Variants in DLG2 observed in about 807,000 individuals in gnomAD.
DLG2 encodes the protein discs large MAGUK scaffold protein 2, also known as disks large homolog 2.
Under a neutral mutation model 132.5 loss-of-function variants are expected in DLG2, and 45 were observed. That is an observed-to-expected ratio of 0.34 (90% CI 0.27 to 0.44). The LOEUF (loss-of-function observed/expected upper bound fraction) is 0.44. DLG2 is among the 20% of genes least tolerant of loss of function. The pLI, the probability that DLG2 is intolerant of heterozygous loss-of-function variation, is 1.00. For missense variants in DLG2, 1,045 were observed against 1,196.9 expected, an observed-to-expected ratio of 0.87 and a Z score of 1.87; for synonymous variants, 424 against 419.6, an observed-to-expected ratio of 1.01 and a Z score of -0.13.
At chr11:84,268,260 C>A (rs1046241944) in intron 7 of DLG2, among the ~76,000 whole-genome samples, 11 of 152,114 alleles carry the variant, frequency 7.2e-5, no homozygotes, top group African/African-American at 2.7e-4. Context: ...ATCACTCTTC[C>A]CTTGCTGCAT....
chr11:84,978,658 A>G (rs1455025523), intron 6 of DLG2, among the ~76,000 whole-genome samples: 2 of 152,250 alleles, frequency 1.3e-5, no homozygotes, highest in African/African-American at 2.4e-5. Flanking sequence ...TTATACAAAA[A>G]TTAATTCAAG....
At chr11:85,575,868 G>A (rs1392584102) in intron 3 of DLG2, among the ~76,000 whole-genome samples, 1 of 152,086 alleles carries the variant, frequency 6.6e-6, no homozygotes, top group Non-Finnish European at 1.5e-5. Flanking sequence ...AATTTCATAA[G>A]AGCAGGAATA....
chr11:84,866,963 T>G (rs1294176510), intron 6 of DLG2, among the ~76,000 whole-genome samples: 1 of 152,256 alleles, frequency 6.6e-6, no homozygotes, highest in Non-Finnish European at 1.5e-5. Context: ...TGTATTTTTC[T>G]TGTATCCCTT....
intron 3 of DLG2, among the ~76,000 whole-genome samples, chr11:85,517,078 T>C (rs1393943532): frequency 5.9e-5 from 9 of 152,164 alleles, no homozygotes; most frequent in African/African-American, 2.2e-4. Flanking sequence ...TAGTACACCA[T>C]GATCAAGTAG....
chr11:83,994,742 G>A (rs1488960816), intron 11 of DLG2, among the ~76,000 whole-genome samples: 2 of 152,192 alleles, frequency 1.3e-5, no homozygotes, highest in South Asian at 4.1e-4. Context: ...AGTAAGCATC[G>A]TAACTAACAG....
At chr11:84,358,416 T>C (rs569243963) in intron 7 of DLG2, among the ~76,000 whole-genome samples, 1 of 151,162 alleles carries the variant, frequency 6.6e-6, no homozygotes, top group African/African-American at 2.4e-5. Context: ...CCTACTTTCA[T>C]TGGTATATGA....
intron 18 of DLG2, among the ~76,000 whole-genome samples, chr11:83,723,825 C>T (rs2089333545): frequency 6.6e-6 from 1 of 152,046 alleles, no homozygotes; most frequent in Non-Finnish European, 1.5e-5. Flanking sequence ...CACTGCACTC[C>T]AGCCTGGGTG....
chr11:85,350,062 G>C (rs139789163), intron 3 of DLG2, among the ~76,000 whole-genome samples: 4,620 of 152,132 alleles, frequency 0.03, 213 homozygotes, highest in African/African-American at 0.11. Context: ...TCAACATCCT[G>C]TCCAGCATCT....
intron 8 of DLG2, among the ~76,000 whole-genome samples, chr11:84,186,230 G>T (rs1365602769): frequency 2.0e-5 from 3 of 151,786 alleles, no homozygotes; most frequent in Non-Finnish European, 4.4e-5. Context: ...TGGAAATTTG[G>T]GTCCTTTATA....
intron 7 of DLG2, among the ~76,000 whole-genome samples, chr11:84,510,212 T>G (rs1413731752): frequency 6.6e-6 from 1 of 151,746 alleles, no homozygotes; most frequent in South Asian, 2.1e-4. Flanking sequence ...GTTATTATAT[T>G]ATCAAAATTG....
At chr11:83,683,872 T>G (rs971570663) in intron 18 of DLG2, among the ~76,000 whole-genome samples, 10 of 152,220 alleles carry the variant, frequency 6.6e-5, no homozygotes, top group African/African-American at 2.2e-4. Flanking sequence ...AGAGATGGGC[T>G]TTCTATAAGA....
intron 6 of DLG2, among the ~76,000 whole-genome samples, chr11:84,598,332 G>A (rs1467392390): frequency 6.6e-6 from 1 of 152,154 alleles, no homozygotes; most frequent in Non-Finnish European, 1.5e-5. Context: ...GGCAACCCTT[G>A]ATGCCCAAGC....
At chr11:84,755,701 G>A (rs2066781112) in intron 6 of DLG2, among the ~76,000 whole-genome samples, 1 of 152,216 alleles carries the variant, frequency 6.6e-6, no homozygotes, top group South Asian at 2.1e-4. Context: ...GGGATTACAG[G>A]CATGAGCTAC....
At chr11:85,609,478 G>A (rs2080834747) in intron 2 of DLG2, among the ~76,000 whole-genome samples, 1 of 152,208 alleles carries the variant, frequency 6.6e-6, no homozygotes, top group African/African-American at 2.4e-5. Flanking sequence ...AAAGAGGTCA[G>A]AAAATGGAGC....
intron 6 of DLG2, among the ~76,000 whole-genome samples, chr11:84,589,602 T>C (rs1441900327): frequency 6.6e-6 from 1 of 152,184 alleles, no homozygotes; most frequent in East Asian, 1.9e-4. Flanking sequence ...AATGTTATAC[T>C]TAATGCAAAC....
intron 6 of DLG2, among the ~76,000 whole-genome samples, chr11:84,723,455 C>G (rs2062060994): frequency 6.6e-6 from 1 of 152,080 alleles, no homozygotes; most frequent in Non-Finnish European, 1.5e-5. Context: ...ATGTGTTTAT[C>G]TGTTATCCGT....
chr11:84,915,346 G>A (rs183345779), intron 6 of DLG2, among the ~76,000 whole-genome samples: 24 of 152,220 alleles, frequency 1.6e-4, no homozygotes, highest in Admixed American at 7.8e-4. Context: ...AAGTTGGAAC[G>A]GAAAATATCA....
At chr11:84,660,721 C>A (rs2099693634) in intron 6 of DLG2, among the ~76,000 whole-genome samples, 1 of 152,100 alleles carries the variant, frequency 6.6e-6, no homozygotes, top group East Asian at 1.9e-4. Context: ...ATTTCATCAG[C>A]AGTGTTGAAT....
intron 6 of DLG2, among the ~76,000 whole-genome samples, chr11:84,804,018 T>G (rs1423127403): frequency 6.6e-6 from 1 of 152,228 alleles, no homozygotes; most frequent in Non-Finnish European, 1.5e-5. Context: ...AAACTACTTT[T>G]AAAAATGCAT....
Sources: allele counts gnomAD v4.1 joint callset (sites outside exome capture counted in the v4.1 genomes callset), GRCh38; gene constraint gnomAD v4.1.1; transcripts MANE v1.5; gene names NCBI Gene and HGNC (gene_info 2026-07-23, HGNC 2026-07-21).